Variants in RAP1A observed in about 807,000 individuals in gnomAD.
The protein encoded by RAP1A is RAP1A, member of RAS oncogene family, also known as ras-related protein Rap-1A.
RAP1A carries 6 observed loss-of-function variants against 26.4 expected under a neutral mutation model. The ratio of observed to expected loss-of-function variants is 0.23; its 90% CI spans 0.12 to 0.45. The LOEUF is 0.45. Ranked by LOEUF, RAP1A falls within the 20% of genes least tolerant of loss-of-function variation. The probability of loss-of-function intolerance (pLI) is 0.99; values close to 1 mark genes in which losing one functional copy is unlikely to be tolerated. For missense variants in RAP1A, 121 were observed against 217.2 expected, an observed-to-expected ratio of 0.56 and a Z score of 2.78; for synonymous variants, 73 against 79.4, an observed-to-expected ratio of 0.92 and a Z score of 0.43.
rs1322411244 is a variant in RAP1A, at chr1:111,714,905, T to C, written c.*2504T>C. The C allele has an allele frequency of 1.3e-5, 2 of 152,222 alleles. No homozygotes were observed. The highest frequency in any genetic ancestry group is 2.9e-5 in the Non-Finnish European group (2 of 68,038). The allele number at this position is 152,222 out of a possible 1,614,324, so 9.4% of individuals were successfully genotyped here. ...GTATGTGTGGCTATTTAAAGTATAA[T>C]GACTTTGGTTTGGTTATATGAGTGA... On this transcript the variant is annotated 3_prime_UTR_variant, in exon 8 of 8. Coordinates refer to ENST00000369709, the MANE Select transcript of RAP1A (RefSeq NM_002884.4).
At position 111,676,712 on chromosome 1, in the gene RAP1A, A is replaced by G. The variant is rs189450150; in HGVS notation, c.-27-14622A>G. Among the ~76,000 whole-genome samples, 1,504 of 152,174 alleles carry G rather than the reference A, an allele frequency of 9.9e-3. 16 individuals are homozygous for G. Among genetic ancestry groups the G allele is most frequent in the Middle Eastern group, 0.027 (8 of 294 alleles). ...AGTATCCTCATGCTCCTTTGTAGCC[A>G]TTACCCCTGTGCCACCACCACTGGC... On this transcript the variant is annotated intron_variant, in intron 1 of 7. Coordinates refer to ENST00000369709, the MANE Select transcript of RAP1A (RefSeq NM_002884.4).
intron 1 of RAP1A, among the ~76,000 whole-genome samples, chr1:111,575,324 T>C (rs1658125546): frequency 6.6e-6 from 1 of 152,134 alleles, no homozygotes; most frequent in Admixed American, 6.5e-5. Flanking sequence ...CAGCTAATTT[T>C]TGTATGTTTA....
At chr1:111,613,116 C>T (rs916513412) in intron 1 of RAP1A, among the ~76,000 whole-genome samples, 2 of 151,062 alleles carry the variant, frequency 1.3e-5, no homozygotes, top group Non-Finnish European at 2.9e-5. Context: ...ATCATAAGAT[C>T]AGTGGTAGAT....
At chr1:111,621,918 A>G (rs1270430951) in intron 1 of RAP1A, among the ~76,000 whole-genome samples, 1 of 152,198 alleles carries the variant, frequency 6.6e-6, no homozygotes, top group African/African-American at 2.4e-5. Flanking sequence ...TACACTTAAT[A>G]TACCCCAGAA....
chr1:111,631,636 A>G (rs938118881), intron 1 of RAP1A, among the ~76,000 whole-genome samples: 3 of 152,240 alleles, frequency 2.0e-5, no homozygotes, highest in African/African-American at 7.2e-5. Flanking sequence ...TGATCAATAC[A>G]TATTTGTATC....
chr1:111,585,374 G>T (rs1394058046), intron 1 of RAP1A, among the ~76,000 whole-genome samples: 1 of 152,060 alleles, frequency 6.6e-6, no homozygotes, highest in South Asian at 2.1e-4. Flanking sequence ...AACCATAAAG[G>T]CAGCAAGGCC....
chr1:111,599,753 A>G (rs1658633085), intron 1 of RAP1A: 1 of 152,184 alleles, frequency 6.6e-6, no homozygotes, highest in African/African-American at 2.4e-5. Context: ...GGGGTTGAAG[A>G]CTGACATGGT....
intron 1 of RAP1A, among the ~76,000 whole-genome samples, chr1:111,661,998 AT>A (rs1310527955): frequency 6.6e-6 from 1 of 152,110 alleles, no homozygotes; most frequent in Non-Finnish European, 1.5e-5. Flanking sequence ...ACCAATTATT[AT>A]TTAATGGTCA....
intron 1 of RAP1A, among the ~76,000 whole-genome samples, chr1:111,658,069 C>G (rs999864542): frequency 2.0e-5 from 3 of 152,086 alleles, no homozygotes; most frequent in Non-Finnish European, 4.4e-5. Flanking sequence ...TTCGTGTACA[C>G]TTGAAAATAA....
At chr1:111,549,301 G>A (rs1657159256) in intron 1 of RAP1A, among the ~76,000 whole-genome samples, 1 of 148,256 alleles carries the variant, frequency 6.7e-6, no homozygotes. Context: ...AAGCCATCCA[G>A]TCATGGGCTT....
chr1:111,661,942 T>A (rs1297131772), intron 1 of RAP1A, among the ~76,000 whole-genome samples: 2 of 152,198 alleles, frequency 1.3e-5, no homozygotes, highest in African/African-American at 4.8e-5. Context: ...TATCTTTTTT[T>A]GTGTATTTCT....
chr1:111,635,855 G>A (rs1659714797), intron 1 of RAP1A, among the ~76,000 whole-genome samples: 1 of 152,058 alleles, frequency 6.6e-6, no homozygotes, highest in South Asian at 2.1e-4. Flanking sequence ...TTACAGGTGT[G>A]AGCCACTGTG....
At chr1:111,667,737 G>A (rs1288090163) in intron 1 of RAP1A, among the ~76,000 whole-genome samples, 1 of 151,546 alleles carries the variant, frequency 6.6e-6, no homozygotes, top group African/African-American at 2.4e-5. Context: ...AGTGCATATT[G>A]GCCATTTAAG....
intron 4 of RAP1A, among the ~76,000 whole-genome samples, chr1:111,702,251 A>G (rs1005000424): frequency 1.3e-5 from 2 of 152,182 alleles, no homozygotes; most frequent in African/African-American, 4.8e-5. Context: ...TATTTAATAT[A>G]AAGACCCAAG....
chr1:111,669,026 G>GAAAAAAAAAAAAA (rs58557062), intron 1 of RAP1A, among the ~76,000 whole-genome samples: 9 of 19,780 alleles, frequency 4.6e-4, no homozygotes, highest in African/African-American at 7.0e-4. Flanking sequence ...CCTATCTCAA[G>GAAAAAAAAAAAAA]AAAAAAAAAA....
intron 1 of RAP1A, among the ~76,000 whole-genome samples, chr1:111,647,723 T>C (rs1322994939): frequency 6.6e-6 from 1 of 151,074 alleles, no homozygotes; most frequent in Admixed American, 6.6e-5. Context: ...TTTTTTTTTT[T>C]CCTTCTTTTA....
intron 1 of RAP1A, among the ~76,000 whole-genome samples, chr1:111,681,535 C>T (rs893374522): frequency 1.3e-4 from 20 of 152,030 alleles, no homozygotes; most frequent in Admixed American, 9.8e-4. Context: ...AAACATAGCA[C>T]GAGAACTTTG....
chr1:111,577,011 A>G (rs1658159183), intron 1 of RAP1A, among the ~76,000 whole-genome samples: 1 of 152,228 alleles, frequency 6.6e-6, no homozygotes, highest in Non-Finnish European at 1.5e-5. Flanking sequence ...CCTGAGACCC[A>G]GGAAGTTCCA....
intron 1 of RAP1A, among the ~76,000 whole-genome samples, chr1:111,603,043 T>A (rs1486423061): frequency 6.6e-6 from 1 of 152,168 alleles, no homozygotes; most frequent in Non-Finnish European, 1.5e-5. Context: ...CACCCAACCA[T>A]CAAACTCACT....
Sources: gnomAD v4.1 joint callset for allele counts (sites outside exome capture counted in the v4.1 genomes callset) on GRCh38, gnomAD v4.1.1 for gene constraint, MANE v1.5 for transcripts, NCBI Gene and HGNC (gene_info 2026-07-23, HGNC 2026-07-21) for gene names.